The following ZNF514 variants were observed in gnomAD, a reference collection of about 807,000 sequenced individuals.
ZNF514 encodes zinc finger protein 514.
ZNF514 carries 12 observed loss-of-function variants against 9.7 expected under a neutral mutation model. The observed-to-expected ratio is 1.24, with a 90% confidence interval of 0.79 to 2.01. The LOEUF (loss-of-function observed/expected upper bound fraction) is 2.01. Among genes scored for constraint, ZNF514 ranks in the 30% most tolerant of loss-of-function variants. The pLI is 0.00. For synonymous variants in ZNF514, 158 were observed against 163.7 expected (o/e 0.97, Z 0.27); for missense variants, 467 against 465.5 (o/e 1.00, Z -0.03).
At position 95,149,288 on chromosome 2, in the gene ZNF514, GGTTT is replaced by G; in HGVS notation, c.1193_1196del (p.Lys398ThrfsTer21). On this transcript the variant is annotated frameshift_variant, in exon 5 of 5. Transcript: ENST00000295208. LOFTEE classifies it high-confidence loss of function. Reference sequence around the variant, plus strand: ...CCTTCTATATTCACTGAATTTATAGGGTTTTTTTTCCAGCATGACTTCTCTGATG... The same window carrying G: ...CCTTCTATATTCACTGAATTTATAGGTTTTTCCAGCATGACTTCTCTGATG... 1 of 1,569,546 alleles carries G rather than the reference GGTTT, an allele frequency of 6.4e-7. No homozygotes were observed. Among genetic ancestry groups the G allele is most frequent in the South Asian group, 1.2e-5 (1 of 83,074 alleles).
Position 95,147,026 on chromosome 2 carries a change from AT to A in ZNF514, c.*2255del, listed in dbSNP as rs1673377577. Among the ~76,000 whole-genome samples the A allele has an allele frequency of 6.6e-6, 1 of 152,064 alleles. No homozygotes were observed. Among genetic ancestry groups the A allele is most frequent in the South Asian group, 2.1e-4 (1 of 4,822 alleles). On this transcript the variant is annotated 3_prime_UTR_variant, in exon 5 of 5. Transcript: ENST00000295208. ...GGCCCACTTTGAGCTGGTTCCCTGAATTCTGGGCTCAACTTCCTCATCTGGA... is the reference window on the plus strand; with the variant it reads ...GGCCCACTTTGAGCTGGTTCCCTGAATCTGGGCTCAACTTCCTCATCTGGA...
intron 1 of ZNF514, 165 bp downstream of exon 1, chr2:95,159,075 G>A (rs970791977): frequency 5.2e-5 from 61 of 1,169,724 alleles, no homozygotes; most frequent in East Asian, 3.1e-4. Flanking sequence ...TCAGGGAGCG[G>A]GACGCAGGCT....
the ZNF514 span, among the ~76,000 whole-genome samples, chr2:95,130,236 G>A: frequency 6.6e-6 from 1 of 152,142 alleles, no homozygotes; most frequent in Non-Finnish European, 1.5e-5. Context: ...GTGCGAATAG[G>A]TGTGGGTGAC....
the ZNF514 span, among the ~76,000 whole-genome samples, chr2:95,138,320 A>G: frequency 1.3e-4 from 20 of 152,236 alleles, no homozygotes; most frequent in African/African-American, 4.6e-4. Flanking sequence ...ATGATGAGGG[A>G]AAGTTTGGAA....
Position 95,149,472 on chromosome 2 carries a change from T to C in ZNF514, c.1013A>G (p.His338Arg). The C allele has an allele frequency of 1.2e-6, 2 of 1,614,008 alleles. No homozygotes were observed. Among genetic ancestry groups the C allele is most frequent in the Non-Finnish European group, 1.7e-6 (2 of 1,179,964 alleles). ...ACATTTGTAAGGTTTCTCTCCAGTA[T>C]GAAATCTGTAATGCACAATGAGTGA... is the stretch of plus-strand genomic sequence containing the variant. ...SSSLIVHYRF[H>R]TGEKPYKCNK... The change falls in exon 5 of 5, where the codon CAT (histidine) becomes CGT (arginine). Residue 338 changes from histidine to arginine, a missense_variant. Physicochemically the swap from His to Arg is conservative, Grantham distance 29. Coordinates refer to ENST00000295208, the MANE Select transcript of ZNF514 (RefSeq NM_032788.3).
Position 95,145,189 on chromosome 2 carries a change from G to A in ZNF514, c.*4093C>T, listed in dbSNP as rs1168181493. ...TTCTAAGCACACAACCAACTGAATC[G>A]ACCCTTCCACTTGGCCAAGAGCATT... On this transcript the variant is annotated 3_prime_UTR_variant, in exon 5 of 5. Transcript: ENST00000295208. Among the ~76,000 whole-genome samples the A allele has an allele frequency of 6.6e-6, 1 of 152,082 alleles. No individual in the cohort carries two copies. Among genetic ancestry groups the A allele is most frequent in the Non-Finnish European group, 1.5e-5 (1 of 68,020 alleles).
At chr2:95,139,574 C>T in the ZNF514 span, among the ~76,000 whole-genome samples, 1 of 150,758 alleles carries the variant, frequency 6.6e-6, no homozygotes, top group Non-Finnish European at 1.5e-5. Context: ...GCCTATACAC[C>T]CCTTGTATCT....
At chr2:95,156,006 G>A (rs988792835) in intron 2 of ZNF514, among the ~76,000 whole-genome samples, 7 of 152,174 alleles carry the variant, frequency 4.6e-5, no homozygotes, top group Non-Finnish European at 4.4e-5. Flanking sequence ...AAAGAAGAAA[G>A]GCACTCTTTC....
At chr2:95,137,133 C>T in the ZNF514 span, among the ~76,000 whole-genome samples, 15 of 152,018 alleles carry the variant, frequency 9.9e-5, no homozygotes, top group Non-Finnish European at 1.9e-4. Flanking sequence ...AGTGATAATA[C>T]GAAAAAGATA....
In ZNF514 at chr2:95,146,146, G is replaced by A. The variant is rs1673353217; in HGVS notation, c.*3136C>T. Among the ~76,000 whole-genome samples the A allele has an allele frequency of 6.6e-6, 1 of 152,138 alleles. No individual in the cohort carries two copies. On this transcript the variant is annotated 3_prime_UTR_variant, in exon 5 of 5. Coordinates refer to ENST00000295208, the MANE Select transcript of ZNF514 (RefSeq NM_032788.3). ...AAATGCTGGTCAACTGTGCCTACAG[G>A]TCACTCATATTTATCTCAGAATAAA...
Position 95,148,331 on chromosome 2 carries a change from G to A in ZNF514, c.*951C>T, listed in dbSNP as rs1673421647. The A allele has an allele frequency of 6.6e-6, 1 of 152,250 alleles. No homozygotes were observed. The highest frequency in any genetic ancestry group is 2.1e-4 in the South Asian group (1 of 4,836). 9.4% of individuals were successfully genotyped at this position (152,250 alleles called of 1,614,324 possible). A position where few individuals can be genotyped will look rare whatever the true frequency, so the allele number is the denominator to read the frequency against. On this transcript the variant is annotated 3_prime_UTR_variant, in exon 5 of 5. Transcript: ENST00000295208. The stretch of plus-strand genomic sequence containing the variant: ...CCCTGCCCCGTCAGTAACAGCATGA[G>A]GAGGCAATGCACAAGTGTCGTTATA...
chr2:95,136,133 C>A, the ZNF514 span, among the ~76,000 whole-genome samples: 16 of 152,094 alleles, frequency 1.1e-4, no homozygotes, highest in Non-Finnish European at 1.2e-4. Flanking sequence ...TTGTATCCAG[C>A]AATGTTGCTA....
At chr2:95,153,831 TA>T (rs1373113655) in intron 2 of ZNF514, 1 of 152,166 alleles carries the variant, frequency 6.6e-6, no homozygotes, top group Non-Finnish European at 1.5e-5. Flanking sequence ...TCTCAGTAAT[TA>T]GAACACCTCC....
chr2:95,153,162 A>C lies in ZNF514; in HGVS notation c.92T>G (p.Leu31Arg). 1 of 1,613,616 alleles carries C rather than the reference A, an allele frequency of 6.2e-7. No individual in the cohort carries two copies. The highest frequency in any genetic ancestry group is 2.2e-5 in the East Asian group (1 of 44,852). ...AATGGCCAAGTTCCTGAAGTTCTCC[A>C]GCATCACCTCCCTGTAGAGGTCCTT... ...AQKDLYREVMLENFRNLAILG... is the reference protein window; with the variant it reads ...AQKDLYREVMRENFRNLAILG... Residue 31 changes from leucine (L) to arginine (R), a missense_variant, in exon 3 of 5, where the codon CTG (leucine) becomes CGG (arginine). By Grantham distance (102) the Leu-to-Arg change is moderately radical. Transcript: ENST00000295208.
rs1304608578 is a variant in ZNF514, at chr2:95,145,383, T to C, written c.*3899A>G. Among the ~76,000 whole-genome samples, 1 of 152,190 alleles carries C rather than the reference T, an allele frequency of 6.6e-6. No homozygotes were observed. Among genetic ancestry groups the C allele is most frequent in the South Asian group, 2.1e-4 (1 of 4,832 alleles). ...GGCTCTTTGTAGCAATAAGATAACA[T>C]GACAGATAACAGGCCCTGAGAGAAA... is the stretch of plus-strand genomic sequence containing the variant. On this transcript the variant is annotated 3_prime_UTR_variant, in exon 5 of 5. Transcript: ENST00000295208.
At chr2:95,127,902 C>G in the ZNF514 span, among the ~76,000 whole-genome samples, 1 of 152,120 alleles carries the variant, frequency 6.6e-6, no homozygotes, top group Non-Finnish European at 1.5e-5. Flanking sequence ...AGACACCGCA[C>G]CCGGCCTAGT....
chr2:95,138,172 G>C, the ZNF514 span, among the ~76,000 whole-genome samples: 7 of 152,160 alleles, frequency 4.6e-5, 1 homozygote, highest in Non-Finnish European at 7.3e-5. Context: ...TTATAGCAAT[G>C]CAAGAACGGC....
the ZNF514 span, among the ~76,000 whole-genome samples, chr2:95,125,723 GT>G: frequency 6.6e-6 from 1 of 152,136 alleles, no homozygotes; most frequent in Non-Finnish European, 1.5e-5. Context: ...TTGTCCTTTT[GT>G]GACTGGCTTA....
intron 4 of ZNF514, among the ~76,000 whole-genome samples, chr2:95,151,446 A>G (rs1673542029): frequency 6.6e-6 from 1 of 152,146 alleles, no homozygotes; most frequent in African/African-American, 2.4e-5. Flanking sequence ...CAACAACCCA[A>G]ATGAAAAGAA....
Sources: allele counts gnomAD v4.1 joint callset (sites outside exome capture counted in the v4.1 genomes callset), GRCh38; gene constraint gnomAD v4.1.1; transcripts MANE v1.5; gene names NCBI Gene and HGNC (gene_info 2026-07-23, HGNC 2026-07-21).